Variants in LRP10 observed in about 807,000 individuals in gnomAD.
LRP10 encodes low-density lipoprotein receptor-related protein 10.
Under a neutral mutation model 58.5 loss-of-function variants are expected in LRP10, and 42 were observed. The observed-to-expected ratio is 0.72, with a 90% CI of 0.56 to 0.93. The LOEUF (loss-of-function observed/expected upper bound fraction) is 0.93, where lower values mean the gene tolerates loss of function less well. LRP10 is among the 40% of genes least tolerant of loss of function. The pLI, the probability that LRP10 is intolerant of heterozygous loss-of-function variation, is 0.00. For synonymous variants in LRP10, 377 were observed against 388.5 expected, an observed-to-expected ratio of 0.97 and a Z score of 0.35; for missense variants, 872 against 940.1, an observed-to-expected ratio of 0.93 and a Z score of 0.95.
In LRP10 at chr14:22,877,270, C is replaced by G. The variant is rs776177373; in HGVS notation, c.1885C>G (p.Pro629Ala). Residue 629 changes from proline (P) to alanine (A), a missense_variant, in exon 7 of 7, where the codon CCA (proline) becomes GCA (alanine). Coordinates refer to ENST00000359591, the MANE Select transcript of LRP10 (RefSeq NM_014045.5). This position sits in a 1 kb window ranked among gnomAD's most constrained non-coding sequence, Gnocchi z 5.1. ...TCCCCTCCCATCTGCTAGCACGTCT[C>G]CAGCCCCCACTACTGTCCCTGAAGC... is the stretch of plus-strand genomic sequence containing the variant. ...KAPLPSASTS[P>A]APTTVPEAPG... 1 of 1,611,582 alleles carries G rather than the reference C, an allele frequency of 6.2e-7. No individual in the cohort carries two copies. Among genetic ancestry groups the G allele is most frequent in the East Asian group, 2.2e-5 (1 of 44,870 alleles).
intron 3 of LRP10, 58 bp downstream of exon 3, chr14:22,873,504 T>A: frequency 6.4e-7 from 1 of 1,568,246 alleles, no homozygotes; most frequent in Non-Finnish European, 8.7e-7. Flanking sequence ...TCCCCTCCAT[T>A]GGAAGTCTTC....
At chr14:22,876,653 A>G in intron 5 of LRP10, 36 bp from the exon 6 acceptor site, 2 of 1,605,790 alleles carry the variant, frequency 1.2e-6, no homozygotes, top group Non-Finnish European at 1.7e-6. Context: ...TCTGGCCGAG[A>G]ACTACCAGTG....
At position 22,881,164 on chromosome 14, in the gene LRP10, G is replaced by A. The variant is rs1007672579; in HGVS notation, c.*3637G>A. On this transcript the variant is annotated 3_prime_UTR_variant, in exon 7 of 7. Coordinates refer to ENST00000359591, the MANE Select transcript of LRP10 (RefSeq NM_014045.5). Reference sequence around the variant, plus strand: ...ACTGGCCCAGTCTCTACCAAGTGGTGGATTTAGAGCCGGCATGGCTTCGTT... The same window carrying A: ...ACTGGCCCAGTCTCTACCAAGTGGTAGATTTAGAGCCGGCATGGCTTCGTT... 2.6e-5 allele frequency: 4 copies of A among 152,200 alleles called. No individual in the cohort carries two copies. The highest frequency in any genetic ancestry group is 9.7e-5 in the African/African-American group (4 of 41,446). 9.4% of individuals were successfully genotyped at this position (152,200 alleles called of 1,614,324 possible).
chr14:22,877,782 C>T lies in LRP10; in HGVS notation c.*255C>T. 2.0e-5 allele frequency: 8 copies of T among 394,896 alleles called. No individual in the cohort carries two copies. Among genetic ancestry groups the T allele is most frequent in the Non-Finnish European group, 3.6e-5 (8 of 223,004 alleles). The allele number at this position is 394,896 out of a possible 1,614,324, so 24.5% of individuals were successfully genotyped here. ...CCAGTCCCTTCACCACCACCTGCTCCCCACGCCACCACCATTTGGGTGGCT... is the reference window on the plus strand; with the variant it reads ...CCAGTCCCTTCACCACCACCTGCTCTCCACGCCACCACCATTTGGGTGGCT... On this transcript the variant is annotated 3_prime_UTR_variant, in exon 7 of 7. Transcript: ENST00000359591. The surrounding 1 kb of genome is among the most constrained non-coding windows in gnomAD (Gnocchi z 5.1).
chr14:22,875,527 T>G lies in LRP10; in HGVS notation c.579T>G (p.Asn193Lys). 6.2e-7 allele frequency: 1 copy of G among 1,614,184 alleles called. No individual in the cohort carries two copies. The highest frequency in any genetic ancestry group is 8.5e-7 in the Non-Finnish European group (1 of 1,180,010). ...GACCCGTCCCCTCCCTGCCTTGCAATGTCACCTTGGAGGACTTCTATGGGG... is the reference window on the plus strand; with the variant it reads ...GACCCGTCCCCTCCCTGCCTTGCAAGGTCACCTTGGAGGACTTCTATGGGG... ...TPRPVPSLPC[N>K]VTLEDFYGVF... The change falls in exon 5 of 7, where the codon AAT becomes AAG. Residue 193 changes from asparagine to lysine, a missense_variant. By Grantham distance (94) the Asn-to-Lys change is moderately conservative (BLOSUM62 0). Coordinates refer to ENST00000359591, the MANE Select transcript of LRP10 (RefSeq NM_014045.5).
rs924853651 is a variant in LRP10 at position 22,877,664 on chromosome 14, G to T, written c.*137G>T. The stretch of plus-strand genomic sequence containing the variant: ...ATTTCAGGGACTTGGTGGGCCTCCC[G>T]TTGACCCTATGTAGCTGCTATAAAG... On this transcript the variant is annotated 3_prime_UTR_variant, in exon 7 of 7. Transcript: ENST00000359591. This position sits in a 1 kb window ranked among gnomAD's most constrained non-coding sequence, Gnocchi z 5.1. 2 of 640,562 alleles carry T rather than the reference G, an allele frequency of 3.1e-6. No individual in the cohort carries two copies. Among genetic ancestry groups the T allele is most frequent in the Non-Finnish European group, 5.2e-6 (2 of 382,654 alleles). 39.7% of individuals were successfully genotyped at this position (640,562 alleles called of 1,614,324 possible). A position where few individuals can be genotyped will look rare whatever the true frequency, so the allele number is the denominator to read the frequency against.
chr14:22,877,431 C>A lies in LRP10; in HGVS notation c.2046C>A (p.Val682=). The change falls in exon 7 of 7, where the codon GTC becomes GTA. Residue 682 remains valine, a synonymous_variant. Coordinates refer to ENST00000359591, the MANE Select transcript of LRP10 (RefSeq NM_014045.5). The surrounding 1 kb of genome is among the most constrained non-coding windows in gnomAD (Gnocchi z 5.1). ...TRSPPGPHTA[V]LALEDEDDVL... is the part of the protein sequence containing the mutation. ...GCCCCCCTGGACCCCACACAGCAGT[C>A]CTGGCCCTGGAAGATGAGGACGATG... The A allele has an allele frequency of 6.2e-7, 1 of 1,613,798 alleles. No homozygotes were observed. The highest frequency in any genetic ancestry group is 8.5e-7 in the Non-Finnish European group (1 of 1,179,946).
Position 22,881,396 on chromosome 14 carries a change from C to T in LRP10, c.*3869C>T, listed in dbSNP as rs2040060645. ...AAGGAAGTCATTCTAAAATGTTACA[C>T]TTGTCTTCAGCATATCTGCAATATA... is the stretch of plus-strand genomic sequence containing the variant. On this transcript the variant is annotated 3_prime_UTR_variant, in exon 7 of 7. Coordinates refer to ENST00000359591, the MANE Select transcript of LRP10 (RefSeq NM_014045.5). 6.6e-6 allele frequency: 1 copy of T among 152,204 alleles called. No homozygotes were observed. Among genetic ancestry groups the T allele is most frequent in the Admixed American group, 6.5e-5 (1 of 15,288 alleles). The allele number at this position is 152,204 out of a possible 1,614,324, so 9.4% of individuals were successfully genotyped here. A position where few individuals can be genotyped will look rare whatever the true frequency, so the allele number is the denominator to read the frequency against.
intron 2 of LRP10, 108 bp from the exon 3 acceptor site, chr14:22,873,203 C>A: frequency 7.2e-7 from 1 of 1,387,736 alleles, no homozygotes; most frequent in Non-Finnish European, 9.8e-7. Flanking sequence ...TACTCTGCTC[C>A]TCCTTGCAGA....
At chr14:22,875,296 A>T in intron 4 of LRP10, 51 bp downstream of exon 4, 1 of 1,582,496 alleles carries the variant, frequency 6.3e-7, no homozygotes, top group Non-Finnish European at 8.6e-7. Context: ...CCCCAGGCAG[A>T]AGGGGAGGAT....
At position 22,877,039 on chromosome 14, in the gene LRP10, T is replaced by C; in HGVS notation, c.1654T>C (p.Leu552=). The C allele has an allele frequency of 6.2e-7, 1 of 1,613,728 alleles. No individual in the cohort carries two copies. The highest frequency in any genetic ancestry group is 1.7e-4 in the Middle Eastern group (1 of 6,058). ...TGCCCGCCGTCGTCAGCGGGGCCGCTTGATGCGACGCCTGGTACGCCGTCT... is the reference window on the plus strand; with the variant it reads ...TGCCCGCCGTCGTCAGCGGGGCCGCCTGATGCGACGCCTGGTACGCCGTCT... ...PGARRRQRGR[L]MRRLVRRLRR... The change falls in exon 7 of 7, where the codon TTG becomes CTG. Residue 552 remains leucine (L), a synonymous_variant. Transcript: ENST00000359591. This position sits in a 1 kb window ranked among gnomAD's most constrained non-coding sequence, Gnocchi z 5.1.
intron 2 of LRP10, 65 bp from the exon 3 acceptor site, chr14:22,873,246 C>A: frequency 1.3e-6 from 2 of 1,553,366 alleles, no homozygotes; most frequent in South Asian, 1.2e-5. Flanking sequence ...AGCCTCCAAG[C>A]GGAAGGGGAA....
Position 22,877,222 on chromosome 14 carries a change from G to T in LRP10, c.1837G>T (p.Ala613Ser). Reference sequence around the variant, plus strand: ...AGTGGGTGGGCAAGATGGGGAGCAGGCACCCCCACTGCCCATCAAGGCTCC... The same window carrying T: ...AGTGGGTGGGCAAGATGGGGAGCAGTCACCCCCACTGCCCATCAAGGCTCC... ...GAVGGQDGEQAPPLPIKAPLP... is the reference protein window; with the variant it reads ...GAVGGQDGEQSPPLPIKAPLP... Residue 613 changes from alanine to serine, a missense_variant, in exon 7 of 7, where the codon GCA becomes TCA. Ala to Ser is a moderately conservative substitution (Grantham distance 99, BLOSUM62 1). Transcript: ENST00000359591. The surrounding 1 kb of genome is among the most constrained non-coding windows in gnomAD (Gnocchi z 5.1). 5 of 1,601,332 alleles carry T rather than the reference G, an allele frequency of 3.1e-6. No homozygotes were observed. The highest frequency in any genetic ancestry group is 4.3e-6 in the Non-Finnish European group (5 of 1,174,008).
intron 2 of LRP10, 54 bp downstream of exon 2, chr14:22,872,836 G>A (rs940776086): frequency 1.9e-6 from 3 of 1,561,070 alleles, no homozygotes; most frequent in Admixed American, 1.7e-5. Flanking sequence ...GGGAGCAGTC[G>A]AGAAGGACTC....
rs565445279 is a variant in LRP10 at position 22,873,149 on chromosome 14, A to T, written c.80-162A>T. ...TGAAGAATGTGGAGAGAAAGAGCGA[A>T]GCTAGAAGGCTGTAACTCTAGGCTG... On this transcript the variant is annotated intron_variant, in intron 2 of 6. Transcript: ENST00000359591. 3.7e-5 allele frequency: 29 copies of T among 793,256 alleles called. No homozygotes were observed. In the South Asian group the frequency reaches 4.5e-4, roughly 12 times the overall value. The allele number at this position is 793,256 out of a possible 1,614,324, so 49.1% of individuals were successfully genotyped here.
Position 22,877,477 on chromosome 14 carries a change from G to A in LRP10, c.2092G>A (p.Glu698Lys). Residue 698 changes from glutamate (E) to lysine (K), a missense_variant, in exon 7 of 7, where the codon GAG becomes AAG. By Grantham distance (56) the Glu-to-Lys change is moderately conservative. Transcript: ENST00000359591. The surrounding 1 kb of genome is among the most constrained non-coding windows in gnomAD (Gnocchi z 5.1). ...EDDVLLVPLA[E>K]PGVWVAEAED... ...CGATGTGCTACTGGTGCCACTGGCT[G>A]AGCCGGGGGTGTGGGTAGCTGAGGC... 2 of 1,612,018 alleles carry A rather than the reference G, an allele frequency of 1.2e-6. No homozygotes were observed.
chr14:22,873,495 C>CCCCTCCAT (rs766402489), intron 3 of LRP10, 49 bp downstream of exon 3: 5 of 1,589,062 alleles, frequency 3.1e-6, no homozygotes, highest in African/African-American at 1.4e-5. Flanking sequence ...CCTGCCCCTT[C>CCCCTCCAT]CCCTCCATTG....
At position 22,881,489 on chromosome 14, in the gene LRP10, AGTT is replaced by A. The variant is rs2040061598; in HGVS notation, c.*3965_*3967del. Reference sequence around the variant, plus strand: ...GCTTTTCTCCAGCAGTGTCTTCTGAAGTTGTAACAGTAGGGGCACGGGGAGCTA... The same window carrying A: ...GCTTTTCTCCAGCAGTGTCTTCTGAAGTAACAGTAGGGGCACGGGGAGCTA... On this transcript the variant is annotated 3_prime_UTR_variant, in exon 7 of 7. Transcript: ENST00000359591. The A allele has an allele frequency of 6.6e-6, 1 of 152,232 alleles. No individual in the cohort carries two copies. Among genetic ancestry groups the A allele is most frequent in the African/African-American group, 2.4e-5 (1 of 41,452 alleles). The allele number at this position is 152,232 out of a possible 1,614,324, so 9.4% of individuals were successfully genotyped here.
chr14:22,876,366 A>G lies in LRP10; in HGVS notation c.1418A>G (p.Glu473Gly). The G allele has an allele frequency of 6.2e-7, 1 of 1,613,104 alleles. No homozygotes were observed. The highest frequency in any genetic ancestry group is 8.5e-7 in the Non-Finnish European group (1 of 1,179,412). The change falls in exon 5 of 7, where the codon GAG (glutamate) becomes GGG (glycine). Residue 473 changes from glutamate to glycine, a missense_variant. Physicochemically the swap from Glu to Gly is moderately conservative, Grantham distance 98. Transcript: ENST00000359591. ...AAGCTCTATGCCATTCGCACCCAGGAGTACAGGTCAGTGGGAGTGGGGCTG... is the reference window on the plus strand; with the variant it reads ...AAGCTCTATGCCATTCGCACCCAGGGGTACAGGTCAGTGGGAGTGGGGCTG... ...TCKLYAIRTQEYSIFAPLSRM... is the reference protein window; with the variant it reads ...TCKLYAIRTQGYSIFAPLSRM...
Sources: allele counts gnomAD v4.1 joint callset, GRCh38; gene constraint gnomAD v4.1.1; non-coding constraint Gnocchi (gnomAD v3.1); transcripts MANE v1.5; gene names NCBI Gene and HGNC (gene_info 2026-07-23, HGNC 2026-07-21).